The following ARK2C variants were observed in gnomAD, a reference collection of about 807,000 sequenced individuals.
The protein encoded by ARK2C is E3 ubiquitin-protein ligase ARK2C.
At chr18:46,389,290 T>C in the ARK2C span, among the ~76,000 whole-genome samples, 1 of 152,240 alleles carries the variant, frequency 6.6e-6, no homozygotes, top group Admixed American at 6.5e-5. Flanking sequence ...GGTAAATTTC[T>C]GTTATAGAGA....
At chr18:46,402,848 T>C in the ARK2C span, among the ~76,000 whole-genome samples, 13 of 152,200 alleles carry the variant, frequency 8.5e-5, no homozygotes, top group African/African-American at 2.9e-4. Flanking sequence ...GTCACCCCTC[T>C]TGAGCTGTAT....
At chr18:46,403,957 T>C in the ARK2C span, among the ~76,000 whole-genome samples, 1 of 152,236 alleles carries the variant, frequency 6.6e-6, no homozygotes, top group South Asian at 2.1e-4. Context: ...GACCCCATCA[T>C]AGAAGCTCAT....
the ARK2C span, among the ~76,000 whole-genome samples, chr18:46,379,595 G>A: frequency 6.6e-6 from 1 of 152,302 alleles, no homozygotes; most frequent in African/African-American, 2.4e-5. Flanking sequence ...GCCCCACAGG[G>A]CAAAGTCGCT....
the ARK2C span, chr18:46,433,574 G>C: frequency 2.9e-6 from 4 of 1,366,250 alleles, no homozygotes; most frequent in Non-Finnish European, 2.0e-6. Context: ...CCAGGGCGTG[G>C]GCAGGGCCAG....
chr18:46,371,692 T>G, the ARK2C span, among the ~76,000 whole-genome samples: 1 of 152,294 alleles, frequency 6.6e-6, no homozygotes, highest in Middle Eastern at 3.4e-3. Flanking sequence ...TGAGAACCCT[T>G]CTGAGAAGCA....
the ARK2C span, among the ~76,000 whole-genome samples, chr18:46,343,194 T>C: frequency 3.9e-5 from 6 of 152,156 alleles, no homozygotes; most frequent in Non-Finnish European, 7.4e-5. Flanking sequence ...GTGTGACAAC[T>C]CTCACTCCTC....
At chr18:46,355,531 T>C in the ARK2C span, among the ~76,000 whole-genome samples, 1 of 152,210 alleles carries the variant, frequency 6.6e-6, no homozygotes, top group African/African-American at 2.4e-5. Context: ...ACTTTCTCAA[T>C]GTTCCTTCCC....
the ARK2C span, among the ~76,000 whole-genome samples, chr18:46,430,932 T>C: frequency 6.6e-6 from 1 of 152,210 alleles, no homozygotes; most frequent in Non-Finnish European, 1.5e-5. Context: ...CTGGGATACA[T>C]GTGCAGAACG....
the ARK2C span, among the ~76,000 whole-genome samples, chr18:46,364,958 G>A: frequency 2.6e-5 from 4 of 152,138 alleles, no homozygotes; most frequent in Non-Finnish European, 5.9e-5. Context: ...TCCCAGCTGG[G>A]TCTCTCCTAC....
chr18:46,398,266 T>C, the ARK2C span, among the ~76,000 whole-genome samples: 26 of 150,922 alleles, frequency 1.7e-4, no homozygotes, highest in Non-Finnish European at 2.1e-4. Context: ...AGGGTGTGTG[T>C]GCATGTGGTG....
chr18:46,431,143 GT>G, the ARK2C span, among the ~76,000 whole-genome samples: 1 of 152,154 alleles, frequency 6.6e-6, no homozygotes, highest in Admixed American at 6.5e-5. Flanking sequence ...AGCATGCGGT[GT>G]TTGGTTTTCT....
chr18:46,444,834 A>C, the ARK2C span, among the ~76,000 whole-genome samples: 3 of 152,108 alleles, frequency 2.0e-5, no homozygotes, highest in Non-Finnish European at 4.4e-5. Flanking sequence ...TGTAGTATCT[A>C]ATTTACTGTT....
chr18:46,445,508 C>T, the ARK2C span, among the ~76,000 whole-genome samples: 1 of 152,184 alleles, frequency 6.6e-6, no homozygotes, highest in South Asian at 2.1e-4. Flanking sequence ...AGTAAAGACT[C>T]AAGGGAATCT....
the ARK2C span, among the ~76,000 whole-genome samples, chr18:46,403,561 T>C: frequency 1.3e-5 from 2 of 152,190 alleles, no homozygotes; most frequent in Non-Finnish European, 2.9e-5. Context: ...TGCTTCCGTA[T>C]GCAATGTGTC....
the ARK2C span, among the ~76,000 whole-genome samples, chr18:46,374,553 C>T: frequency 3.3e-5 from 5 of 152,328 alleles, no homozygotes; most frequent in East Asian, 1.9e-4. Context: ...TTCAGGAGAA[C>T]GTCTTCAGGG....
chr18:46,379,845 C>A, the ARK2C span, among the ~76,000 whole-genome samples: 1 of 152,240 alleles, frequency 6.6e-6, no homozygotes, highest in African/African-American at 2.4e-5. Context: ...GAGAGGGTGC[C>A]CCTTGCTAAA....
the ARK2C span, among the ~76,000 whole-genome samples, chr18:46,416,665 G>T: frequency 6.6e-6 from 1 of 152,238 alleles, no homozygotes; most frequent in African/African-American, 2.4e-5. Context: ...GCTCAGCTGG[G>T]AAGTCCTTTT....
At chr18:46,388,467 T>C in the ARK2C span, among the ~76,000 whole-genome samples, 1 of 152,176 alleles carries the variant, frequency 6.6e-6, no homozygotes, top group Non-Finnish European at 1.5e-5. Context: ...GAAACACATG[T>C]TGGGACCTGC....
the ARK2C span, among the ~76,000 whole-genome samples, chr18:46,369,516 T>G: frequency 6.6e-6 from 1 of 152,060 alleles, no homozygotes; most frequent in Non-Finnish European, 1.5e-5. Flanking sequence ...GAACGAGAAA[T>G]GCCTCAGAAT....
Sources: gnomAD v4.1 joint callset for allele counts (sites outside exome capture counted in the v4.1 genomes callset) on GRCh38, gnomAD v4.1.1 for gene constraint, MANE v1.5 for transcripts, NCBI Gene and HGNC (gene_info 2026-07-23, HGNC 2026-07-21) for gene names.